COL4A2: variants seen among roughly 807,000 people sequenced by gnomAD.
COL4A2 encodes the protein collagen type IV alpha 2 chain, also known as collagen alpha-2(IV) chain.
In COL4A2, 99 loss-of-function variants were observed where a neutral mutation model predicts 200.2. The ratio of observed to expected loss-of-function variants is 0.49; its 90% CI spans 0.42 to 0.58. The LOEUF (loss-of-function observed/expected upper bound fraction) is 0.58. Among genes scored for constraint, COL4A2 ranks in the 20% least tolerant of loss-of-function variants. COL4A2 has a pLI of 0.00. For synonymous variants in COL4A2, 897 were observed against 900.6 expected, an observed-to-expected ratio of 1.00 and a Z score of 0.07; for missense variants, 1,950 against 2,314.1, an observed-to-expected ratio of 0.84 and a Z score of 3.23.
chr13:110,373,772 T>A (rs1451506201), intron 4 of COL4A2, among the ~76,000 whole-genome samples: 1 of 152,246 alleles, frequency 6.6e-6, no homozygotes, highest in Non-Finnish European at 1.5e-5. Flanking sequence ...TCCTAATGCC[T>A]CCGTCCTCCA....
rs995941964 is a variant in COL4A2, at chr13:110,512,370, G to T, written c.*179G>T. 9 of 1,107,416 alleles carry T rather than the reference G, an allele frequency of 8.1e-6. No homozygotes were observed. Among genetic ancestry groups the T allele is most frequent in the Non-Finnish European group, 1.0e-5 (8 of 803,832 alleles). The allele number at this position is 1,107,416 out of a possible 1,614,324, so 68.6% of individuals were successfully genotyped here. A position where few individuals can be genotyped will look rare whatever the true frequency, so the allele number is the denominator to read the frequency against. On this transcript the variant is annotated 3_prime_UTR_variant, in exon 48 of 48. Coordinates refer to ENST00000360467, the MANE Select transcript of COL4A2 (RefSeq NM_001846.4). Reference sequence around the variant, plus strand: ...TGTCACCGAGCGGGTGCAAGCACTCGGGGTCCCTGGAGGGCAAGCCCTGCC... The same window carrying T: ...TGTCACCGAGCGGGTGCAAGCACTCTGGGTCCCTGGAGGGCAAGCCCTGCC...
intron 40 of COL4A2, among the ~76,000 whole-genome samples, chr13:110,495,949 A>G (rs956990869): frequency 2.0e-5 from 3 of 152,166 alleles, no homozygotes; most frequent in African/African-American, 7.2e-5. Flanking sequence ...ACATTCCTAG[A>G]TAGAAACCAG....
At chr13:110,326,010 T>C (rs1279988082) in intron 3 of COL4A2, among the ~76,000 whole-genome samples, 1 of 152,176 alleles carries the variant, frequency 6.6e-6, no homozygotes, top group Non-Finnish European at 1.5e-5. Context: ...GGTCTTGAAC[T>C]CCTGACCTCA....
chr13:110,437,797 C>G (rs1288767884), intron 13 of COL4A2, among the ~76,000 whole-genome samples: 1 of 152,144 alleles, frequency 6.6e-6, no homozygotes, highest in African/African-American at 2.4e-5. Flanking sequence ...ATTAATTTAT[C>G]TTGTGAAAAT....
chr13:110,425,100 T>C, intron 6 of COL4A2, 103 bp downstream of exon 6: 4 of 1,425,488 alleles, frequency 2.8e-6, no homozygotes, highest in Non-Finnish European at 2.9e-6. Flanking sequence ...CTTTTTTGTT[T>C]ATGACATAAA....
At chr13:110,472,267 C>T (rs373745398) in intron 28 of COL4A2, among the ~76,000 whole-genome samples, 48 of 152,146 alleles carry the variant, frequency 3.2e-4, no homozygotes, top group Admixed American at 2.3e-3. Context: ...AGGCATCCGC[C>T]ACCACACCTG....
chr13:110,493,600 C>T (rs1329171437), intron 39 of COL4A2, among the ~76,000 whole-genome samples: 1 of 152,166 alleles, frequency 6.6e-6, no homozygotes, highest in Non-Finnish European at 1.5e-5. Flanking sequence ...CACCTGCGCC[C>T]CTCAGGTGTC....
In COL4A2 at chr13:110,489,416, C is replaced by T. The variant is rs377712304; in HGVS notation, c.3208-29C>T. On this transcript the variant is annotated intron_variant, in intron 34 of 47. Coordinates refer to ENST00000360467, the MANE Select transcript of COL4A2 (RefSeq NM_001846.4). The stretch of plus-strand genomic sequence containing the variant: ...AGTTACAACTGACTTCGCTAACAGC[C>T]TTCTAAGATGGTTCATGTCTGTCTT... 86 of 1,611,172 alleles carry T rather than the reference C, an allele frequency of 5.3e-5. No homozygotes were observed. In the East Asian group the frequency reaches 8.0e-4, roughly 15 times the overall value.
Position 110,492,145 on chromosome 13 carries a change from A to T in COL4A2, c.3530A>T (p.Asp1177Val). ...GRIGLPGGKG[D>V]DGWPGAPGLP... The stretch of plus-strand genomic sequence containing the variant: ...ATTGGACTGCCTGGTGGCAAAGGAG[A>T]TGATGGCTGGCCGGGAGCTCCGGGC... The change falls in exon 38 of 48, where the codon GAT (aspartate) becomes GTT (valine). Residue 1177 changes from aspartate (D) to valine (V), a missense_variant. By Grantham distance (152) the Asp-to-Val change is radical. This residue lies in a region of COL4A2 where 1,385 missense variants were observed against 1,720.5 expected (regional missense o/e 0.80). Transcript: ENST00000360467. 6.4e-7 allele frequency: 1 copy of T among 1,553,372 alleles called. No homozygotes were observed. The highest frequency in any genetic ancestry group is 8.7e-7 in the Non-Finnish European group (1 of 1,147,784).
At chr13:110,359,034 TA>T (rs1877406403) in intron 4 of COL4A2, among the ~76,000 whole-genome samples, 1 of 152,202 alleles carries the variant, frequency 6.6e-6, no homozygotes, top group African/African-American at 2.4e-5. Context: ...AAGAAAAAAG[TA>T]GTTGCATTTA....
chr13:110,318,685 T>C (rs1382719499), intron 3 of COL4A2, among the ~76,000 whole-genome samples: 1 of 152,212 alleles, frequency 6.6e-6, no homozygotes, highest in Non-Finnish European at 1.5e-5. Flanking sequence ...AAAATAGTTC[T>C]TACCTTATGC....
chr13:110,384,210 G>T (rs373677110), intron 4 of COL4A2, among the ~76,000 whole-genome samples: 2 of 152,172 alleles, frequency 1.3e-5, no homozygotes, highest in South Asian at 2.1e-4. Context: ...AAATTAGGTC[G>T]TAATCATACA....
In COL4A2 at chr13:110,331,062, CT is replaced by C. The variant is rs151273825; in HGVS notation, c.99+22948del. Among the ~76,000 whole-genome samples, 58 of 151,114 alleles carry C rather than the reference CT, an allele frequency of 3.8e-4. 1 individual carries two copies. Among genetic ancestry groups the C allele is most frequent in the African/African-American group, 1.2e-3 (51 of 41,182 alleles). The stretch of plus-strand genomic sequence containing the variant: ...GTAATATTTTTTTCTTTCCATGCAG[CT>C]TTTTTTTTAAAGGAAATTTACTGAT... On this transcript the variant is annotated intron_variant, in intron 3 of 47. Coordinates refer to ENST00000360467, the MANE Select transcript of COL4A2 (RefSeq NM_001846.4).
intron 29 of COL4A2, among the ~76,000 whole-genome samples, chr13:110,477,728 CTA>C (rs2139518763): frequency 6.6e-6 from 1 of 152,314 alleles, no homozygotes; most frequent in Admixed American, 6.5e-5. Context: ...TAGGTTAAAA[CTA>C]TACTTATAGT....
At chr13:110,413,039 C>T (rs975472250) in intron 4 of COL4A2, among the ~76,000 whole-genome samples, 4 of 152,084 alleles carry the variant, frequency 2.6e-5, no homozygotes, top group Non-Finnish European at 4.4e-5. Context: ...TGATGTTTTC[C>T]GGTAGATGAA....
intron 4 of COL4A2, among the ~76,000 whole-genome samples, chr13:110,366,549 G>A (rs1263774315): frequency 6.6e-6 from 1 of 152,162 alleles, no homozygotes; most frequent in Admixed American, 6.5e-5. Flanking sequence ...ATAGCCAAGG[G>A]GAGAAAATGG....
intron 3 of COL4A2, among the ~76,000 whole-genome samples, chr13:110,323,091 T>G (rs572439051): frequency 6.6e-6 from 1 of 152,170 alleles, no homozygotes. Context: ...GAGGAGCAAG[T>G]AGACAAAGAT....
chr13:110,485,133 C>A, intron 33 of COL4A2, 106 bp downstream of exon 33: 1 of 1,044,730 alleles, frequency 9.6e-7, no homozygotes, highest in Non-Finnish European at 1.3e-6. Context: ...CTCCACCTGG[C>A]TTTCTTCGTG....
In COL4A2 at chr13:110,439,673, G is replaced by A. The variant is rs1052009168; in HGVS notation, c.913-116G>A. 3.2e-6 allele frequency: 5 copies of A among 1,539,448 alleles called. No homozygotes were observed. In the African/African-American group the frequency reaches 7.0e-5, roughly 21 times the overall value. ...TCTTCAAAATCTGGACCTGAGACTT[G>A]TTCAATCTGTCCATCGGCATTTTGC... On this transcript the variant is annotated intron_variant, in intron 15 of 47. Coordinates refer to ENST00000360467, the MANE Select transcript of COL4A2 (RefSeq NM_001846.4).
Sources: allele counts gnomAD v4.1 joint callset (sites outside exome capture counted in the v4.1 genomes callset), GRCh38; gene constraint gnomAD v4.1.1; regional missense constraint gnomAD v4.1.1; transcripts MANE v1.5; gene names NCBI Gene and HGNC (gene_info 2026-07-23, HGNC 2026-07-21).